The following TBC1D16 variants were observed in gnomAD, a reference collection of about 807,000 sequenced individuals.
TBC1D16 encodes TBC1 domain family member 16.
Under a neutral mutation model 74.7 loss-of-function variants are expected in TBC1D16, and 58 were observed. The ratio of observed to expected loss-of-function variants is 0.78; its 90% CI spans 0.63 to 0.97. The LOEUF is 0.97. Among genes scored for constraint, TBC1D16 ranks in the 50% least tolerant of loss-of-function variants. TBC1D16 has a pLI of 0.00. For synonymous variants in TBC1D16, 493 were observed against 474.7 expected, an observed-to-expected ratio of 1.04 and a Z score of -0.50; for missense variants, 1,014 against 1,079.5, an observed-to-expected ratio of 0.94 and a Z score of 0.85.
In TBC1D16 at chr17:79,944,966, C is replaced by T. The variant is rs772451540; in HGVS notation, c.1850G>A (p.Arg617Gln). ...CHRWLLLCFK[R>Q]EFPEAEALRI... is the part of the protein sequence containing the mutation. Reference sequence around the variant, plus strand: ...CAGCGCTTCGGCCTCGGGGAACTCCCGCTTGAAGCACAGAAGGAGCCAGCG... The same window carrying T: ...CAGCGCTTCGGCCTCGGGGAACTCCTGCTTGAAGCACAGAAGGAGCCAGCG... Residue 617 changes from arginine to glutamine, a missense_variant, in exon 10 of 12, where the codon CGG (arginine) becomes CAG (glutamine). Coordinates refer to ENST00000310924, the MANE Select transcript of TBC1D16 (RefSeq NM_019020.4). The surrounding 1 kb of genome is among the most constrained non-coding windows in gnomAD (Gnocchi z 7.7). 1.2e-5 allele frequency: 18 copies of T among 1,558,774 alleles called. No homozygotes were observed. The South Asian group carries it at 1.2e-4, about 10-fold the overall frequency.
In TBC1D16 at chr17:79,950,444, C is replaced by T. The variant is rs781246801; in HGVS notation, c.1224G>A (p.Leu408=). 4 of 1,612,904 alleles carry T rather than the reference C, an allele frequency of 2.5e-6. No homozygotes were observed. In the South Asian group the frequency reaches 4.4e-5, roughly 18 times the overall value. The stretch of plus-strand genomic sequence containing the variant: ...GCTTGTACTCCTCCTCCACCTGGCC[C>T]AGCTCATTCAGGTGGTTGAGCCAGG... The part of the protein sequence containing the change: ...VSAWLNHLNE[L]GQVEEEYKLR... The change falls in exon 6 of 12, where the codon CTG becomes CTA. Residue 408 remains leucine, a synonymous_variant. Transcript: ENST00000310924. The surrounding 1 kb of genome is among the most constrained non-coding windows in gnomAD (Gnocchi z 4.6).
chr17:79,986,796 A>C lies in TBC1D16; in HGVS notation c.779+23364T>G, dbSNP rs2034854753. On this transcript the variant is annotated intron_variant, in intron 3 of 11. Transcript: ENST00000310924. This position sits in a 1 kb window ranked among gnomAD's most constrained non-coding sequence, Gnocchi z 6.0. The stretch of plus-strand genomic sequence containing the variant: ...GAGCCTCAGCCCGCAGCGGGAGATG[A>C]CACCTCCGATCAGGTCCACGGGAAG... 6.6e-6 allele frequency among the ~76,000 whole-genome samples: 1 copy of C among 152,124 alleles called. No homozygotes were observed. Among genetic ancestry groups the C allele is most frequent in the African/African-American group, 2.4e-5 (1 of 41,440 alleles).
chr17:80,030,481 C>G (rs562519581), intron 1 of TBC1D16, among the ~76,000 whole-genome samples: 2 of 152,268 alleles, frequency 1.3e-5, no homozygotes, highest in East Asian at 3.9e-4. Context: ...CTGTCCTGGC[C>G]TAAAGGGCTT....
At position 79,950,781 on chromosome 17, in the gene TBC1D16, T is replaced by A. The variant is rs982590088; in HGVS notation, c.1090-203A>T. ...CTTCATCTTAAAATCGGTTTCCCTC[T>A]GCGGCTCTCTCCTCCCCGGCCCACT... On this transcript the variant is annotated intron_variant, in intron 5 of 11. Coordinates refer to ENST00000310924, the MANE Select transcript of TBC1D16 (RefSeq NM_019020.4). This position sits in a 1 kb window ranked among gnomAD's most constrained non-coding sequence, Gnocchi z 4.6. 3.2e-5 allele frequency: 49 copies of A among 1,536,122 alleles called. No homozygotes were observed. Among genetic ancestry groups the A allele is most frequent in the Non-Finnish European group, 4.2e-5 (48 of 1,146,910 alleles).
chr17:79,966,545 G>A lies in TBC1D16; in HGVS notation c.780-13727C>T, dbSNP rs145825631. Reference sequence around the variant, plus strand: ...AATTCTTCCCACTCTCCAAGGCCCCGCTCAAACACTACTTCCTCCAGGTTG... The same window carrying A: ...AATTCTTCCCACTCTCCAAGGCCCCACTCAAACACTACTTCCTCCAGGTTG... On this transcript the variant is annotated intron_variant, in intron 3 of 11. Transcript: ENST00000310924. 1.6e-3 allele frequency among the ~76,000 whole-genome samples: 241 copies of A among 152,084 alleles called. 1 individual carries two copies. The highest frequency in any genetic ancestry group is 5.3e-3 in the African/African-American group (220 of 41,482).
intron 1 of TBC1D16, among the ~76,000 whole-genome samples, chr17:80,024,504 CAT>C: frequency 6.8e-6 from 1 of 146,898 alleles, no homozygotes; most frequent in Admixed American, 6.7e-5. Flanking sequence ...CCACACGCAC[CAT>C]AGACAAACCA....
At chr17:79,998,514 A>ATTTTTT (rs376951265) in intron 3 of TBC1D16, among the ~76,000 whole-genome samples, 1 of 131,846 alleles carries the variant, frequency 7.6e-6, no homozygotes, top group Non-Finnish European at 1.6e-5. Context: ...TATTATTATA[A>ATTTTTT]TTTTTTTTTT....
intron 1 of TBC1D16, among the ~76,000 whole-genome samples, chr17:80,030,128 C>G (rs1598454224): frequency 6.6e-6 from 1 of 152,184 alleles, no homozygotes; most frequent in South Asian, 2.1e-4. Context: ...CAACTTGAAT[C>G]CGTGGCCACG....
Position 79,944,939 on chromosome 17 carries a change from C to T in TBC1D16, c.1877G>A (p.Arg626Gln), listed in dbSNP as rs774294694. Reference sequence around the variant, plus strand: ...GTGGGCCCAGCAGGCCTCCCAGATCCGCAGCGCTTCGGCCTCGGGGAACTC... The same window carrying T: ...GTGGGCCCAGCAGGCCTCCCAGATCTGCAGCGCTTCGGCCTCGGGGAACTC... ...KREFPEAEALRIWEACWAHYQ... is the reference protein window; with the variant it reads ...KREFPEAEALQIWEACWAHYQ... Residue 626 changes from arginine (R) to glutamine (Q), a missense_variant, in exon 10 of 12, where the codon CGG becomes CAG. Transcript: ENST00000310924. This position sits in a 1 kb window ranked among gnomAD's most constrained non-coding sequence, Gnocchi z 7.7. 23 of 1,552,646 alleles carry T rather than the reference C, an allele frequency of 1.5e-5. No homozygotes were observed. Among genetic ancestry groups the T allele is most frequent in the Middle Eastern group, 1.7e-4 (1 of 5,936 alleles).
At chr17:79,946,207 C>T (rs908697634) in intron 9 of TBC1D16, among the ~76,000 whole-genome samples, 3 of 152,244 alleles carry the variant, frequency 2.0e-5, no homozygotes, top group Admixed American at 6.5e-5. Context: ...AATTTTTCCA[C>T]GGACAAGGTA....
intron 4 of TBC1D16, 45 bp from the exon 5 acceptor site, chr17:79,951,642 T>C (rs940255020): frequency 2.5e-6 from 4 of 1,594,124 alleles, no homozygotes; most frequent in Non-Finnish European, 3.4e-6. Context: ...GATGAATATG[T>C]AAACACGGGG....
intron 8 of TBC1D16, among the ~76,000 whole-genome samples, chr17:79,948,048 C>T (rs1003008693): frequency 2.0e-5 from 3 of 152,202 alleles, no homozygotes; most frequent in Non-Finnish European, 2.9e-5. Flanking sequence ...CGGTGGCCCA[C>T]GCCTACAATC....
rs2143231484 is a variant in TBC1D16, at chr17:79,935,440, A to C, written c.*5419T>G. The C allele has an allele frequency of 6.6e-6, 1 of 152,348 alleles. No homozygotes were observed. 9.4% of individuals were successfully genotyped at this position (152,348 alleles called of 1,614,324 possible). A position where few individuals can be genotyped will look rare whatever the true frequency, so the allele number is the denominator to read the frequency against. Reference sequence around the variant, plus strand: ...CAGCCTCCCAGGACCCTCAGTCCCCACAGCCCCCATCCAGCTCTCTTTTAC... The same window carrying C: ...CAGCCTCCCAGGACCCTCAGTCCCCCCAGCCCCCATCCAGCTCTCTTTTAC... On this transcript the variant is annotated 3_prime_UTR_variant, in exon 12 of 12. Transcript: ENST00000310924.
At chr17:79,953,513 G>A (rs1185017738) in intron 3 of TBC1D16, among the ~76,000 whole-genome samples, 5 of 152,160 alleles carry the variant, frequency 3.3e-5, no homozygotes, top group Admixed American at 1.3e-4. Flanking sequence ...AGGCAACTGG[G>A]GCCCAGAGAG....
At chr17:80,011,987 G>A (rs1010175295) in intron 2 of TBC1D16, among the ~76,000 whole-genome samples, 6 of 152,088 alleles carry the variant, frequency 3.9e-5, no homozygotes, top group Admixed American at 6.6e-5. Context: ...CATGGGAGGA[G>A]GGATTTCTCC....
At chr17:79,973,790 G>A (rs906356420) in intron 3 of TBC1D16, among the ~76,000 whole-genome samples, 2 of 151,854 alleles carry the variant, frequency 1.3e-5, no homozygotes, top group African/African-American at 4.8e-5. Flanking sequence ...CTACTTGGGA[G>A]GCTACAGTGA....
chr17:79,997,675 C>T (rs2035326564), intron 3 of TBC1D16, among the ~76,000 whole-genome samples: 1 of 152,178 alleles, frequency 6.6e-6, no homozygotes, highest in East Asian at 1.9e-4. Flanking sequence ...CTTGCATTTG[C>T]GTGGTACATT....
chr17:80,007,579 GGGGAGGGCCCTCCTCAGCCCA>G lies in TBC1D16; in HGVS notation c.779+2560_779+2580del, dbSNP rs2035725069. ...GTGTCAGAGCAGAGAAGGGGGCCATGGGGAGGGCCCTCCTCAGCCCAGGGTTCGGGGGAATAGAGAAGCCTC... is the reference window on the plus strand; with the variant it reads ...GTGTCAGAGCAGAGAAGGGGGCCATGGGGTTCGGGGGAATAGAGAAGCCTC... On this transcript the variant is annotated intron_variant, in intron 3 of 11. Coordinates refer to ENST00000310924, the MANE Select transcript of TBC1D16 (RefSeq NM_019020.4). This position sits in a 1 kb window ranked among gnomAD's most constrained non-coding sequence, Gnocchi z 4.5. 6.6e-6 allele frequency among the ~76,000 whole-genome samples: 1 copy of G among 152,212 alleles called. No individual in the cohort carries two copies. Among genetic ancestry groups the G allele is most frequent in the Non-Finnish European group, 1.5e-5 (1 of 68,032 alleles).
intron 3 of TBC1D16, among the ~76,000 whole-genome samples, chr17:80,004,636 T>C (rs2035608878): frequency 6.6e-6 from 1 of 152,222 alleles, no homozygotes; most frequent in South Asian, 2.1e-4. Flanking sequence ...CTGTAAGGAA[T>C]ACCACGATGA....
Sources: gnomAD v4.1 joint callset for allele counts (sites outside exome capture counted in the v4.1 genomes callset) on GRCh38, gnomAD v4.1.1 for gene constraint, Gnocchi (gnomAD v3.1) non-coding constraint, MANE v1.5 for transcripts, NCBI Gene and HGNC (gene_info 2026-07-23, HGNC 2026-07-21) for gene names.